SPON1: variants seen among roughly 807,000 people sequenced by gnomAD.
The protein encoded by SPON1 is spondin-1.
A neutral mutation model predicts 111.7 loss-of-function variants in SPON1; 52 were observed. The observed-to-expected ratio is 0.47, with a 90% CI of 0.37 to 0.59. The LOEUF is 0.59. Among genes scored for constraint, SPON1 ranks in the 20% least tolerant of loss-of-function variants. The pLI, the probability that SPON1 is intolerant of heterozygous loss-of-function variation, is 0.00. For synonymous variants in SPON1, 410 were observed against 395.8 expected (o/e 1.04, Z -0.43); for missense variants, 957 against 1,068.5 (o/e 0.90, Z 1.46).
At chr11:14,230,328 A>C (rs1554938533) in intron 6 of SPON1, among the ~76,000 whole-genome samples, 1 of 152,182 alleles carries the variant, frequency 6.6e-6, no homozygotes, top group African/African-American at 2.4e-5. Flanking sequence ...AAATGTTATT[A>C]CATTTAAAGA....
In SPON1 at chr11:13,968,571, A is replaced by G. The variant is rs74980245; in HGVS notation, c.238+5429A>G. On this transcript the variant is annotated intron_variant, in intron 1 of 15. Transcript: ENST00000576479. ...ACACTAGTTAAAACTAATTTTGCCT[A>G]TTTTCACTTATGTTAATGGATACCT... is the stretch of plus-strand genomic sequence containing the variant. 6.8e-4 allele frequency among the ~76,000 whole-genome samples: 103 copies of G among 152,300 alleles called. No homozygotes were observed. In the East Asian group the frequency reaches 0.019, roughly 28 times the overall value.
chr11:14,075,311 C>T (rs1476311114), intron 3 of SPON1, 34 bp from the exon 4 acceptor site: 1 of 1,535,632 alleles, frequency 6.5e-7, no homozygotes, highest in Non-Finnish European at 8.8e-7. Context: ...TCCTGCCCTC[C>T]TCACCACTGT....
At chr11:13,969,686 A>G (rs1554908394) in intron 1 of SPON1, among the ~76,000 whole-genome samples, 1 of 152,230 alleles carries the variant, frequency 6.6e-6, no homozygotes, top group Non-Finnish European at 1.5e-5. Context: ...AGCAAACATC[A>G]CATAAGTCAA....
At chr11:14,054,965 C>T (rs552274822) in intron 3 of SPON1, among the ~76,000 whole-genome samples, 1 of 152,322 alleles carries the variant, frequency 6.6e-6, no homozygotes, top group African/African-American at 2.4e-5. Context: ...TGATCGGGCC[C>T]ACTGTTCCAG....
At chr11:14,208,928 A>G (rs1478748868) in intron 6 of SPON1, among the ~76,000 whole-genome samples, 2 of 152,126 alleles carry the variant, frequency 1.3e-5, no homozygotes, top group Non-Finnish European at 2.9e-5. Flanking sequence ...GAAGGTCTTC[A>G]TTTTTCAAAA....
chr11:13,977,433 G>C (rs956784320), intron 1 of SPON1, among the ~76,000 whole-genome samples: 2 of 152,164 alleles, frequency 1.3e-5, no homozygotes, highest in Non-Finnish European at 2.9e-5. Flanking sequence ...TGACTACTGA[G>C]GTTGAGAGCC....
At chr11:14,119,815 A>G (rs1365409723) in intron 5 of SPON1, among the ~76,000 whole-genome samples, 1 of 152,150 alleles carries the variant, frequency 6.6e-6, no homozygotes, top group African/African-American at 2.4e-5. Context: ...TGGTTCTTAT[A>G]TTTAGCAGTA....
In SPON1 at chr11:14,033,455, C is replaced by T. The variant is rs557912963; in HGVS notation, c.346-8066C>T. On this transcript the variant is annotated intron_variant, in intron 2 of 15. Transcript: ENST00000576479. ...TGAACCAGAAAGTGTGAGGAGGTGA[C>T]GTATCAGGGGAGATAATCCAGATCA... Among the ~76,000 whole-genome samples, 109 of 152,060 alleles carry T rather than the reference C, an allele frequency of 7.2e-4. 1 individual carries two copies. Among genetic ancestry groups the T allele is most frequent in the Non-Finnish European group, 1.2e-3 (85 of 68,006 alleles).
chr11:14,080,320 C>G (rs1554921932), intron 5 of SPON1, among the ~76,000 whole-genome samples: 1 of 152,000 alleles, frequency 6.6e-6, no homozygotes, highest in Non-Finnish European at 1.5e-5. Flanking sequence ...CCTCCGCCTC[C>G]CGGGTTCAAG....
chr11:14,066,951 G>A (rs946475585), intron 3 of SPON1, among the ~76,000 whole-genome samples: 13 of 152,072 alleles, frequency 8.5e-5, no homozygotes, highest in Admixed American at 2.0e-4. Context: ...CTAGGCAAGC[G>A]GATCACTTGC....
intron 6 of SPON1, among the ~76,000 whole-genome samples, chr11:14,207,461 A>G (rs906654800): frequency 3.9e-5 from 6 of 152,234 alleles, no homozygotes; most frequent in Admixed American, 1.3e-4. Context: ...CAAACTGTGC[A>G]TCCAACAAAG....
chr11:14,145,626 C>CAGGAGTGTTAGGT (rs1847708362), intron 6 of SPON1, among the ~76,000 whole-genome samples: 1 of 152,104 alleles, frequency 6.6e-6, no homozygotes, highest in African/African-American at 2.4e-5. Context: ...TAGGTATATT[C>CAGGAGTGTTAGGT]ACATTGTTGT....
chr11:14,150,846 G>T (rs1554929862), intron 6 of SPON1, among the ~76,000 whole-genome samples: 1 of 152,120 alleles, frequency 6.6e-6, no homozygotes, highest in Admixed American at 6.5e-5. Context: ...GGAAATTGCA[G>T]GTATCAGGAG....
intron 6 of SPON1, among the ~76,000 whole-genome samples, chr11:14,163,835 A>C (rs1392497689): frequency 1.3e-5 from 2 of 151,888 alleles, no homozygotes; most frequent in African/African-American, 4.8e-5. Context: ...AGGCTCTCCA[A>C]TTCCCTCCCC....
chr11:14,229,750 C>T (rs1163131700), intron 6 of SPON1, among the ~76,000 whole-genome samples: 1 of 152,218 alleles, frequency 6.6e-6, no homozygotes, highest in Non-Finnish European at 1.5e-5. Context: ...TTTCCCCAAA[C>T]TTGCGCAGCA....
At chr11:14,162,074 C>T (rs1847971986) in intron 6 of SPON1, among the ~76,000 whole-genome samples, 1 of 150,396 alleles carries the variant, frequency 6.6e-6, no homozygotes, top group Non-Finnish European at 1.5e-5. Context: ...ATGAGAATCA[C>T]TTGAACCCGG....
intron 1 of SPON1, among the ~76,000 whole-genome samples, chr11:13,979,419 T>C (rs1024983326): frequency 5.9e-5 from 9 of 152,178 alleles, no homozygotes; most frequent in African/African-American, 2.2e-4. Context: ...AACTTCAACA[T>C]ATCTTAAACC....
chr11:14,213,407 T>TA (rs1848595639), intron 6 of SPON1, among the ~76,000 whole-genome samples: 2 of 151,882 alleles, frequency 1.3e-5, no homozygotes. Flanking sequence ...TTTTCTTAAA[T>TA]ATGTTTAACT....
At chr11:13,987,645 G>C (rs1848195737) in intron 2 of SPON1, among the ~76,000 whole-genome samples, 1 of 152,164 alleles carries the variant, frequency 6.6e-6, no homozygotes, top group Admixed American at 6.5e-5. Flanking sequence ...GTCCTGAATG[G>C]TATTGCTCAG....
Sources: gnomAD v4.1 joint callset for allele counts (sites outside exome capture counted in the v4.1 genomes callset) on GRCh38, gnomAD v4.1.1 for gene constraint, MANE v1.5 for transcripts, NCBI Gene and HGNC (gene_info 2026-07-23, HGNC 2026-07-21) for gene names.